The following FAM13A variants were observed in gnomAD, a reference collection of about 807,000 sequenced individuals.
FAM13A encodes protein FAM13A.
FAM13A carries 76 observed loss-of-function variants against 129.6 expected under a neutral mutation model. That is an observed-to-expected ratio of 0.59 (90% CI 0.49 to 0.71). The LOEUF (loss-of-function observed/expected upper bound fraction) is 0.71. Ranked by LOEUF, FAM13A falls within the 30% of genes least tolerant of loss-of-function variation. The probability of loss-of-function intolerance (pLI) is 0.00; values close to 1 mark genes in which losing one functional copy is unlikely to be tolerated. For missense variants in FAM13A, 1,108 were observed against 1,249.3 expected (o/e 0.89, Z 1.70); for synonymous variants, 443 against 449.9 (o/e 0.98, Z 0.20).
At chr4:88,753,508 A>AC (rs1168350535) in intron 14 of FAM13A, 2 of 177,502 alleles carry the variant, frequency 1.1e-5, no homozygotes, top group Non-Finnish European at 2.2e-5. Context: ...GAATGAATTC[A>AC]CTTATTTTAA....
intron 4 of FAM13A, among the ~76,000 whole-genome samples, chr4:88,951,598 C>T (rs1052968755): frequency 1.1e-4 from 16 of 152,146 alleles, no homozygotes; most frequent in Admixed American, 1.0e-3. Flanking sequence ...TATTTTCTCC[C>T]CTGCACTTTG....
At chr4:88,945,939 T>C (rs1411623011) in intron 4 of FAM13A, among the ~76,000 whole-genome samples, 1 of 134,022 alleles carries the variant, frequency 7.5e-6, no homozygotes, top group Non-Finnish European at 1.6e-5. Context: ...ATTATATGCA[T>C]AGTATATTTA....
intron 1 of FAM13A, among the ~76,000 whole-genome samples, chr4:89,033,136 A>ACACTCTCT (rs1553927666): frequency 1.3e-5 from 2 of 149,872 alleles, no homozygotes; most frequent in Non-Finnish European, 3.0e-5. Flanking sequence ...ACACACACAC[A>ACACTCTCT]CTCTCTCTCT....
Position 89,033,037 on chromosome 4 carries a change from T to A in FAM13A, c.28-3388A>T, listed in dbSNP as rs577802096. 5.3e-5 allele frequency among the ~76,000 whole-genome samples: 8 copies of A among 152,332 alleles called. No individual in the cohort carries two copies. In the South Asian group the frequency reaches 1.5e-3, roughly 28 times the overall value. On this transcript the variant is annotated intron_variant, in intron 1 of 23. Transcript: ENST00000264344. ...ACATTGTTCATTCTTCCACTATTCA[T>A]TCCATTTGGTAAGCTGCTCCAGTAA...
chr4:89,008,534 C>A lies in FAM13A; in HGVS notation c.427+11926G>T, dbSNP rs12504536. ...GTTTCTGTTGTTTTAGCCACCCAGTCTGTATTATTCTGTTATGGTGGCCCT... is the reference window on the plus strand; with the variant it reads ...GTTTCTGTTGTTTTAGCCACCCAGTATGTATTATTCTGTTATGGTGGCCCT... On this transcript the variant is annotated intron_variant, in intron 3 of 23. Transcript: ENST00000264344. 0.017 allele frequency among the ~76,000 whole-genome samples: 2,664 copies of A among 152,314 alleles called. 213 individuals are homozygous for A. In the East Asian group the frequency reaches 0.22, roughly 13 times the overall value.
chr4:89,035,988 G>A (rs1769340631), intron 1 of FAM13A, among the ~76,000 whole-genome samples: 1 of 152,170 alleles, frequency 6.6e-6, no homozygotes, highest in Admixed American at 6.5e-5. Context: ...CACATTTACA[G>A]CAATGTGAGA....
chr4:88,968,427 T>G (rs962227841), intron 4 of FAM13A, among the ~76,000 whole-genome samples: 2 of 152,206 alleles, frequency 1.3e-5, no homozygotes, highest in Admixed American at 1.3e-4. Context: ...TAAAATTGAC[T>G]CTGAAAAAAG....
rs773761292 is a variant in FAM13A at position 88,978,622 on chromosome 4, G to A, written c.605+12351C>T. 3.9e-5 allele frequency among the ~76,000 whole-genome samples: 6 copies of A among 152,132 alleles called. No homozygotes were observed. In the East Asian group the frequency reaches 7.8e-4, roughly 20 times the overall value. The stretch of plus-strand genomic sequence containing the variant: ...ATCCTGGCTAACACGGTGAAACCCC[G>A]TCTTTACTAAAAACACAAAAAATTA... On this transcript the variant is annotated intron_variant, in intron 4 of 23. Coordinates refer to ENST00000264344, the MANE Select transcript of FAM13A (RefSeq NM_014883.4).
intron 4 of FAM13A, among the ~76,000 whole-genome samples, chr4:88,953,250 T>C (rs993941083): frequency 2.0e-5 from 3 of 150,914 alleles, no homozygotes; most frequent in Admixed American, 1.3e-4. Context: ...AGGTCAAGAG[T>C]TCGAGACCAG....
intron 11 of FAM13A, 66 bp from the exon 12 acceptor site, chr4:88,768,125 T>G: frequency 1.2e-6 from 1 of 823,810 alleles, no homozygotes; most frequent in Non-Finnish European, 2.0e-6. Context: ...AGACCCTCCT[T>G]TCTTTAAAAT....
intron 6 of FAM13A, among the ~76,000 whole-genome samples, chr4:88,884,430 G>T (rs937184401): frequency 6.6e-6 from 1 of 152,112 alleles, no homozygotes; most frequent in Non-Finnish European, 1.5e-5. Context: ...GGCACAAAAA[G>T]TATTTGACAA....
chr4:88,831,637 G>T (rs190940541), intron 7 of FAM13A, among the ~76,000 whole-genome samples: 3 of 152,202 alleles, frequency 2.0e-5, no homozygotes, highest in Admixed American at 6.5e-5. Context: ...ATAAGGGGAA[G>T]TAATAATTAT....
intron 22 of FAM13A, 22 bp from the exon 23 acceptor site, chr4:88,731,450 A>G (rs1737767715): frequency 1.4e-6 from 2 of 1,382,864 alleles, no homozygotes; most frequent in African/African-American, 2.9e-5. Flanking sequence ...GAAGCATTGC[A>G]AGGAAATTAA....
intron 1 of FAM13A, among the ~76,000 whole-genome samples, chr4:89,051,839 G>T (rs892498206): frequency 4.6e-5 from 7 of 152,124 alleles, no homozygotes; most frequent in Admixed American, 4.6e-4. Flanking sequence ...AGATCTTAAG[G>T]CTCAAGAATA....
intron 1 of FAM13A, among the ~76,000 whole-genome samples, chr4:89,041,976 T>C (rs1364896035): frequency 2.6e-5 from 4 of 151,894 alleles, no homozygotes; most frequent in African/African-American, 9.7e-5. Flanking sequence ...TTGATGGGTG[T>C]TTCTCTTCCT....
intron 3 of FAM13A, among the ~76,000 whole-genome samples, chr4:89,019,442 T>C (rs1405372366): frequency 2.6e-5 from 4 of 152,118 alleles, no homozygotes; most frequent in African/African-American, 9.7e-5. Context: ...CAATAATGAC[T>C]ATGCCTATAA....
intron 7 of FAM13A, among the ~76,000 whole-genome samples, chr4:88,825,832 T>A (rs1030839166): frequency 1.4e-4 from 22 of 152,186 alleles, no homozygotes; most frequent in Admixed American, 3.3e-4. Flanking sequence ...TCAATTTTTT[T>A]AAAAAAATTA....
chr4:89,032,369 A>T (rs1271352908), intron 1 of FAM13A, among the ~76,000 whole-genome samples: 2 of 152,168 alleles, frequency 1.3e-5, no homozygotes, highest in East Asian at 3.8e-4. Context: ...GAGCATATTC[A>T]TGGGGGTGTG....
At chr4:88,885,619 ACC>A (rs1744277728) in intron 6 of FAM13A, among the ~76,000 whole-genome samples, 1 of 152,150 alleles carries the variant, frequency 6.6e-6, no homozygotes, top group African/African-American at 2.4e-5. Context: ...ATGTCCAAGA[ACC>A]CAAAAGCATA....
Sources: allele counts gnomAD v4.1 joint callset (sites outside exome capture counted in the v4.1 genomes callset), GRCh38; gene constraint gnomAD v4.1.1; transcripts MANE v1.5; gene names NCBI Gene and HGNC (gene_info 2026-07-23, HGNC 2026-07-21).